Variants in RAB27A observed in about 807,000 individuals in gnomAD.
RAB27A encodes the protein ras-related protein Rab-27A.
Under a neutral mutation model 20.8 loss-of-function variants are expected in RAB27A, and 17 were observed. The ratio of observed to expected loss-of-function variants is 0.82; its 90% CI spans 0.56 to 1.23. RAB27A has a LOEUF of 1.23. Ranked by LOEUF, RAB27A falls within the 50% of genes most tolerant of loss-of-function variation. The pLI is 0.00. For missense variants in RAB27A, 277 were observed against 266.7 expected (o/e 1.04, Z -0.27); for synonymous variants, 85 against 92.8 (o/e 0.92, Z 0.48).
intron 1 of RAB27A, among the ~76,000 whole-genome samples, chr15:55,280,490 T>C (rs2141119072): frequency 7.2e-6 from 1 of 138,966 alleles, no homozygotes; most frequent in African/African-American, 2.8e-5. Flanking sequence ...TTGTTGTTTC[T>C]TGTGGGTATG....
Position 55,233,577 on chromosome 15 carries a change from C to A in RAB27A, c.153+1205G>T, listed in dbSNP as rs143442947. Among the ~76,000 whole-genome samples, 11 of 152,194 alleles carry A rather than the reference C, an allele frequency of 7.2e-5. No homozygotes were observed. The East Asian group carries it at 1.9e-3, about 27-fold the overall frequency. Reference sequence around the variant, plus strand: ...CAGGCTGAATGTAAGAAGCCAGACACAAAAGGCCATATATTATTCCATTTA... The same window carrying A: ...CAGGCTGAATGTAAGAAGCCAGACAAAAAAGGCCATATATTATTCCATTTA... On this transcript the variant is annotated intron_variant, in intron 3 of 6. Coordinates refer to ENST00000336787, the MANE Select transcript of RAB27A (RefSeq NM_183235.3).
chr15:55,223,003 C>T (rs1280799727), intron 6 of RAB27A, among the ~76,000 whole-genome samples: 1 of 152,084 alleles, frequency 6.6e-6, no homozygotes, highest in Non-Finnish European at 1.5e-5. Context: ...GCTGCTGCTG[C>T]TGCTGCTGCT....
chr15:55,211,560 C>T (rs146054299), intron 6 of RAB27A, among the ~76,000 whole-genome samples: 121 of 152,096 alleles, frequency 8.0e-4, no homozygotes, highest in African/African-American at 2.8e-3. Flanking sequence ...AGATTGTTCC[C>T]TGTTGGTGTA....
chr15:55,318,573 G>C (rs1352881926), intron 1 of RAB27A, among the ~76,000 whole-genome samples: 1 of 150,806 alleles, frequency 6.6e-6, no homozygotes, highest in African/African-American at 2.4e-5. Context: ...GCGTGGTGGC[G>C]CGCCTGTAGT....
intron 6 of RAB27A, among the ~76,000 whole-genome samples, chr15:55,210,328 T>C (rs991839135): frequency 6.6e-6 from 1 of 151,322 alleles, no homozygotes; most frequent in Non-Finnish European, 1.5e-5. Context: ...GTGCTTATGC[T>C]AATTTACTTT....
At chr15:55,209,951 T>C (rs1490672924) in intron 6 of RAB27A, among the ~76,000 whole-genome samples, 2 of 137,096 alleles carry the variant, frequency 1.5e-5, no homozygotes, top group Admixed American at 7.0e-5. Context: ...TGTACACACA[T>C]ACGCATATAT....
chr15:55,264,036 CTGTT>C (rs1042346978), intron 2 of RAB27A, among the ~76,000 whole-genome samples: 5 of 152,182 alleles, frequency 3.3e-5, no homozygotes, highest in South Asian at 2.1e-4. Context: ...GTTATTTTTT[CTGTT>C]TGTTTGTTTG....
intron 2 of RAB27A, among the ~76,000 whole-genome samples, chr15:55,301,197 A>G (rs955513853): frequency 6.6e-6 from 1 of 152,168 alleles, no homozygotes; most frequent in African/African-American, 2.4e-5. Flanking sequence ...GGCTCAAGCG[A>G]TTCTCCTGCC....
Position 55,209,858 on chromosome 15 carries a change from A to ATATACATATATACATATATGTGTGTG in RAB27A, c.468-4179_468-4154dup. Among the ~76,000 whole-genome samples the ATATACATATATACATATATGTGTGTG allele has an allele frequency of 6.3e-5, 2 of 31,958 alleles. 1 individual carries two copies. The highest frequency in any genetic ancestry group is 1.6e-4 in the African/African-American group (2 of 12,612). The allele number at this position is 31,958 out of a possible 152,430, so 21.0% of individuals were successfully genotyped here. ...TATGTGTGTACACATATATGTGTGT[A>ATATACATATATACATATATGTGTGTG]TATACATATATACATATATGTGTGT... On this transcript the variant is annotated intron_variant, in intron 6 of 6. Coordinates refer to ENST00000336787, the MANE Select transcript of RAB27A (RefSeq NM_183235.3).
intron 2 of RAB27A, among the ~76,000 whole-genome samples, chr15:55,269,575 C>T (rs918679083): frequency 1.1e-4 from 17 of 152,080 alleles, no homozygotes; most frequent in African/African-American, 4.1e-4. Flanking sequence ...GGTGAAACCC[C>T]ATCTCTACTA....
At chr15:55,205,767 T>C in intron 6 of RAB27A, 62 bp from the exon 7 acceptor site, 1 of 1,396,664 alleles carries the variant, frequency 7.2e-7, no homozygotes, top group Non-Finnish European at 1.0e-6. Context: ...ACCTTTGCTC[T>C]TGATAATTCA....
chr15:55,285,834 A>G (rs757352571), intron 1 of RAB27A, among the ~76,000 whole-genome samples: 18 of 152,250 alleles, frequency 1.2e-4, no homozygotes, highest in Non-Finnish European at 2.4e-4. Flanking sequence ...TTCTTAAATT[A>G]GCACAAGAGG....
rs141771955 is a variant in RAB27A at position 55,299,313 on chromosome 15, G to C, written c.-112+14726C>G. Among the ~76,000 whole-genome samples, 7 of 152,324 alleles carry C rather than the reference G, an allele frequency of 4.6e-5. No individual in the cohort carries two copies. The East Asian group carries it at 9.6e-4, about 21-fold the overall frequency. ...GGGGCCCCTGACTTCCCGCAACAGG[G>C]CCGGCCACGGTGCCTCATGCCTGTA... On this transcript the variant is annotated intron_variant, in intron 2 of 5. Coordinates refer to the RAB27A transcript ENST00000563262.
intron 2 of RAB27A, among the ~76,000 whole-genome samples, chr15:55,246,515 A>G (rs17238220): frequency 0.074 from 11,316 of 152,078 alleles, 692 homozygotes; most frequent in Admixed American, 0.18. Flanking sequence ...ATGAATGTTT[A>G]TAGAGATTTA....
chr15:55,209,004 A>G (rs1214339532), intron 6 of RAB27A, among the ~76,000 whole-genome samples: 2 of 152,218 alleles, frequency 1.3e-5, no homozygotes, highest in Non-Finnish European at 2.9e-5. Flanking sequence ...TGTATCTGTA[A>G]GAAAATTTTA....
At chr15:55,235,375 G>C (rs1311524801) in intron 2 of RAB27A, among the ~76,000 whole-genome samples, 1 of 152,084 alleles carries the variant, frequency 6.6e-6, no homozygotes, top group Non-Finnish European at 1.5e-5. Context: ...TTGAACCTGG[G>C]AGGTGGAGGT....
In RAB27A at chr15:55,253,687, G is replaced by A. The variant is rs186300615; in HGVS notation, c.-23+16478C>T. On this transcript the variant is annotated intron_variant, in intron 2 of 6. Coordinates refer to ENST00000336787, the MANE Select transcript of RAB27A (RefSeq NM_183235.3). ...TGAAGCCTAGAGGTTAAGAACATAAGGGCTAAAATAAGCAGGCAAGAGGGT... is the reference window on the plus strand; with the variant it reads ...TGAAGCCTAGAGGTTAAGAACATAAAGGCTAAAATAAGCAGGCAAGAGGGT... 1.3e-4 allele frequency among the ~76,000 whole-genome samples: 20 copies of A among 151,776 alleles called. No homozygotes were observed. In the East Asian group the frequency reaches 3.9e-3, roughly 29 times the overall value.
rs1291475087 is a variant in RAB27A, at chr15:55,296,778, G to T, written c.-112+17261C>A. ...CCTATTCCCTACCGCCGGTCCCATGGTCCCTGCCCAGCTTTGCATTCCCTG... is the reference window on the plus strand; with the variant it reads ...CCTATTCCCTACCGCCGGTCCCATGTTCCCTGCCCAGCTTTGCATTCCCTG... On this transcript the variant is annotated intron_variant, in intron 2 of 5. Transcript: ENST00000563262. Among the ~76,000 whole-genome samples, 17 of 152,122 alleles carry T rather than the reference G, an allele frequency of 1.1e-4. 1 individual carries two copies. The highest frequency in any genetic ancestry group is 1.1e-3 in the Admixed American group (17 of 15,270).
chr15:55,252,112 T>G (rs1290723287), intron 2 of RAB27A, among the ~76,000 whole-genome samples: 1 of 151,860 alleles, frequency 6.6e-6, no homozygotes, highest in Non-Finnish European at 1.5e-5. Context: ...AGTTTATGGA[T>G]CTGGGAGTCT....
Sources: gnomAD v4.1 joint callset for allele counts (sites outside exome capture counted in the v4.1 genomes callset) on GRCh38, gnomAD v4.1.1 for gene constraint, MANE v1.5 for transcripts, NCBI Gene and HGNC (gene_info 2026-07-23, HGNC 2026-07-21) for gene names.